SMARCC1: variants seen among roughly 807,000 people sequenced by gnomAD.
SMARCC1 encodes SWI/SNF related BAF chromatin remodeling complex subunit C1.
Under a neutral mutation model 147.4 loss-of-function variants are expected in SMARCC1, and 43 were observed. That is an observed-to-expected ratio of 0.29 (90% CI 0.23 to 0.38). SMARCC1 has a LOEUF of 0.38. SMARCC1 is among the 10% of genes least tolerant of loss of function. SMARCC1 has a pLI of 1.00. For synonymous variants in SMARCC1, 495 were observed against 484.4 expected (o/e 1.02, Z -0.29); for missense variants, 1,119 against 1,381.1 (o/e 0.81, Z 3.01).
chr3:47,745,197 C>A (rs1392621661), intron 3 of SMARCC1, among the ~76,000 whole-genome samples: 1 of 151,808 alleles, frequency 6.6e-6, no homozygotes, highest in Non-Finnish European at 1.5e-5. Context: ...TGGAAGGTTG[C>A]AGTGAGCTGA....
rs1055709980 is a variant in SMARCC1, at chr3:47,673,552, G to A, written c.1839+1923C>T. On this transcript the variant is annotated intron_variant, in intron 18 of 27. Coordinates refer to ENST00000254480, the MANE Select transcript of SMARCC1 (RefSeq NM_003074.4). Reference sequence around the variant, plus strand: ...AAAAATACAAAAATTAGCCAGGCGTGGTGGCACACGCCTGTAATCCCAGCT... The same window carrying A: ...AAAAATACAAAAATTAGCCAGGCGTAGTGGCACACGCCTGTAATCCCAGCT... Among the ~76,000 whole-genome samples, 9 of 152,114 alleles carry A rather than the reference G, an allele frequency of 5.9e-5. No individual in the cohort carries two copies. The South Asian group carries it at 8.3e-4, about 14-fold the overall frequency.
intron 21 of SMARCC1, among the ~76,000 whole-genome samples, chr3:47,646,426 T>C (rs1405097078): frequency 2.0e-5 from 3 of 152,216 alleles, no homozygotes; most frequent in Non-Finnish European, 4.4e-5. Context: ...GACCCATGTC[T>C]GCAGCGTTAA....
At position 47,661,307 on chromosome 3, in the gene SMARCC1, C is replaced by T. The variant is rs1257420181; in HGVS notation, c.2307G>A (p.Glu769=). The T allele has an allele frequency of 6.2e-7, 1 of 1,609,308 alleles. No homozygotes were observed. The highest frequency in any genetic ancestry group is 1.7e-5 in the Admixed American group (1 of 58,502). ...GCAGTGACTCACCAAGCTTCTCTGG[C>T]TCATCGGGCCCTGTGCCTGCAATGC... The part of the protein sequence containing the change: ...SSCIAGTGPD[E]PEKLEGAEEE... The change falls in exon 21 of 28, where the codon GAG becomes GAA. Residue 769 remains glutamate (E), a synonymous_variant. Transcript: ENST00000254480.
intron 3 of SMARCC1, among the ~76,000 whole-genome samples, chr3:47,741,645 T>C (rs955371848): frequency 6.6e-6 from 1 of 151,850 alleles, no homozygotes; most frequent in Non-Finnish European, 1.5e-5. Context: ...GAATAACAAA[T>C]ATATTTTCCT....
chr3:47,673,240 A>T (rs1030931441), intron 18 of SMARCC1, among the ~76,000 whole-genome samples: 4 of 151,954 alleles, frequency 2.6e-5, no homozygotes, highest in Non-Finnish European at 4.4e-5. Context: ...AAAATAAAAA[A>T]AAAGCCGGGT....
At chr3:47,740,542 T>C (rs2034497743) in intron 3 of SMARCC1, among the ~76,000 whole-genome samples, 1 of 151,862 alleles carries the variant, frequency 6.6e-6, no homozygotes. Flanking sequence ...AGTTTCACCA[T>C]GTGGGCCAGG....
At chr3:47,593,909 A>G (rs977689112) in intron 26 of SMARCC1, among the ~76,000 whole-genome samples, 20 of 152,208 alleles carry the variant, frequency 1.3e-4, no homozygotes, top group African/African-American at 4.6e-4. Flanking sequence ...TCACACCTGT[A>G]TTCCCAGCAC....
Position 47,661,589 on chromosome 3 carries a change from C to G in SMARCC1, c.2159-134G>C, listed in dbSNP as rs2033348168. On this transcript the variant is annotated intron_variant, in intron 20 of 27. Transcript: ENST00000254480. ...CAACCTCTTCAGGCTCTCAGTCCCT[C>G]TATACCAGAAAAATGAGAGGACTAA... 5.2e-6 allele frequency: 3 copies of G among 579,738 alleles called. No homozygotes were observed. The Admixed American group carries it at 1.0e-4, about 20-fold the overall frequency. The allele number at this position is 579,738 out of a possible 1,614,324, so 35.9% of individuals were successfully genotyped here. A position where few individuals can be genotyped will look rare whatever the true frequency, so the allele number is the denominator to read the frequency against.
At chr3:47,732,305 A>G (rs1274883445) in intron 5 of SMARCC1, among the ~76,000 whole-genome samples, 1 of 152,176 alleles carries the variant, frequency 6.6e-6, no homozygotes, top group African/African-American at 2.4e-5. Context: ...GCTTAAGGAA[A>G]TGTTGGGCTG....
rs371239275 is a variant in SMARCC1 at position 47,760,684 on chromosome 3, T to C, written c.315+12133A>G. On this transcript the variant is annotated intron_variant, in intron 2 of 27. Transcript: ENST00000254480. The stretch of plus-strand genomic sequence containing the variant: ...GTCTCAAAAAACAACAACAAAAATG[T>C]AAGTCATAACAAACAAACGTCAATC... Among the ~76,000 whole-genome samples, 48 of 151,950 alleles carry C rather than the reference T, an allele frequency of 3.2e-4. No individual in the cohort carries two copies. In the South Asian group the frequency reaches 9.4e-3, roughly 30 times the overall value.
At chr3:47,779,889 C>A (rs1010169794) in intron 1 of SMARCC1, among the ~76,000 whole-genome samples, 44 of 152,154 alleles carry the variant, frequency 2.9e-4, no homozygotes, top group African/African-American at 1.0e-3. Context: ...GAAGAATTAA[C>A]CAATATTTTC....
intron 2 of SMARCC1, among the ~76,000 whole-genome samples, chr3:47,761,136 A>AAAAAG (rs61023655): frequency 0.91 from 136,398 of 149,856 alleles, 63,436 homozygotes; most frequent in East Asian, 1. Context: ...CTGTCTAAAA[A>AAAAAG]AAAAGAAAAG....
chr3:47,594,284 C>G (rs1483386559), intron 26 of SMARCC1, among the ~76,000 whole-genome samples: 2 of 152,196 alleles, frequency 1.3e-5, no homozygotes. Context: ...TGTGGCCCAT[C>G]TTTCTGCACT....
chr3:47,755,654 C>G (rs1331908718), intron 2 of SMARCC1, among the ~76,000 whole-genome samples: 1 of 151,078 alleles, frequency 6.6e-6, no homozygotes, highest in East Asian at 1.9e-4. Flanking sequence ...GTCAGGAGTT[C>G]GAGACCACCC....
At chr3:47,687,491 T>G (rs1254327332) in intron 13 of SMARCC1, among the ~76,000 whole-genome samples, 4 of 152,184 alleles carry the variant, frequency 2.6e-5, no homozygotes, top group Non-Finnish European at 5.9e-5. Context: ...GGAGACAGCT[T>G]TAGAGACACT....
chr3:47,635,548 T>TA (rs1310174156), intron 23 of SMARCC1, among the ~76,000 whole-genome samples: 2 of 152,216 alleles, frequency 1.3e-5, no homozygotes, highest in African/African-American at 4.8e-5. Flanking sequence ...AGCACACTTG[T>TA]TTTCCTATCA....
At chr3:47,619,305 C>T (rs899832106) in intron 25 of SMARCC1, among the ~76,000 whole-genome samples, 1 of 152,214 alleles carries the variant, frequency 6.6e-6, no homozygotes, top group Non-Finnish European at 1.5e-5. Flanking sequence ...AATGCTGGCA[C>T]GCACTCATTT....
intron 3 of SMARCC1, among the ~76,000 whole-genome samples, chr3:47,743,273 T>C (rs531593828): frequency 1.2e-4 from 19 of 152,264 alleles, no homozygotes; most frequent in African/African-American, 4.6e-4. Context: ...TGAGAGAAGG[T>C]GCACACTGAA....
At chr3:47,621,820 A>T (rs2032737323) in intron 25 of SMARCC1, among the ~76,000 whole-genome samples, 1 of 144,566 alleles carries the variant, frequency 6.9e-6, no homozygotes, top group African/African-American at 2.5e-5. Flanking sequence ...TAAAACTTTA[A>T]AAAAAAAAAA....
Sources: gnomAD v4.1 joint callset for allele counts (sites outside exome capture counted in the v4.1 genomes callset) on GRCh38, gnomAD v4.1.1 for gene constraint, MANE v1.5 for transcripts, NCBI Gene and HGNC (gene_info 2026-07-23, HGNC 2026-07-21) for gene names.